The following UTS2B variants were observed in gnomAD, a reference collection of about 807,000 sequenced individuals.
The protein encoded by UTS2B is urotensin-2B.
In UTS2B, 21 loss-of-function variants were observed where a neutral mutation model predicts 19.2. The observed-to-expected ratio is 1.09, with a 90% CI of 0.78 to 1.58. The LOEUF (loss-of-function observed/expected upper bound fraction) is 1.58. Ranked by LOEUF, UTS2B falls within the 40% of genes most tolerant of loss-of-function variation. The pLI is 0.00. For synonymous variants in UTS2B, 57 were observed against 50.2 expected (o/e 1.14, Z -0.58); for missense variants, 138 against 130.3 (o/e 1.06, Z -0.29).
Position 191,282,120 on chromosome 3 carries a change from G to A in UTS2B, c.70C>T (p.Gln24Ter). 1 of 1,613,524 alleles carries A rather than the reference G, an allele frequency of 6.2e-7. No homozygotes were observed. Among genetic ancestry groups the A allele is most frequent in the African/African-American group, 1.3e-5 (1 of 75,020 alleles). Residue 24 changes from glutamine to a stop codon, truncating the protein, a stop_gained, in exon 5 of 9, where the codon CAA (glutamine) becomes TAA (stop). Transcript: ENST00000340524. LOFTEE classifies it high-confidence loss of function. ...AGATATGGTCGTCCATGCACAGATT[G>A]TAAAAAACTCAACACGGATAACAAA... is the stretch of plus-strand genomic sequence containing the variant. ...LTLLSVLSFLQSVHGRPYLTQ... is the reference protein window; with the variant it reads ...LTLLSVLSFL
the UTS2B span, among the ~76,000 whole-genome samples, chr3:191,340,976 C>T: frequency 6.6e-6 from 1 of 151,184 alleles, no homozygotes; most frequent in Non-Finnish European, 1.5e-5. Context: ...GCTAGGACTA[C>T]AGGCCCAGCT....
rs549210054 is a variant in UTS2B at position 191,268,364 on chromosome 3, T to G, written c.*52A>C. The G allele has an allele frequency of 2.2e-6, 3 of 1,381,632 alleles. No individual in the cohort carries two copies. The highest frequency in any genetic ancestry group is 2.0e-6 in the Non-Finnish European group (2 of 990,444). 85.6% of individuals were successfully genotyped at this position (1,381,632 alleles called of 1,614,324 possible). ...GTCTGCCTACAGCAGAGTGAGTAGATACATATATTTTCCTGATATTCTTAT... is the reference window on the plus strand; with the variant it reads ...GTCTGCCTACAGCAGAGTGAGTAGAGACATATATTTTCCTGATATTCTTAT... On this transcript the variant is annotated 3_prime_UTR_variant, in exon 9 of 9. Transcript: ENST00000340524.
intron 3 of UTS2B, among the ~76,000 whole-genome samples, chr3:191,309,955 CCTTT>C (rs536574819): frequency 1.5e-3 from 227 of 150,442 alleles, no homozygotes; most frequent in South Asian, 5.2e-3. Flanking sequence ...TTTCTTTTTT[CCTTT>C]CTTTCTTTTT....
At chr3:191,308,550 G>A (rs1035678950) in intron 3 of UTS2B, among the ~76,000 whole-genome samples, 1 of 152,086 alleles carries the variant, frequency 6.6e-6, no homozygotes, top group Admixed American at 6.6e-5. Context: ...TTTGGGGTTG[G>A]GTAATTCTTT....
At chr3:191,341,699 A>G in the UTS2B span, among the ~76,000 whole-genome samples, 1 of 152,220 alleles carries the variant, frequency 6.6e-6, no homozygotes, top group African/African-American at 2.4e-5. Context: ...AAGTACCAAT[A>G]AGGTGAATAT....
At chr3:191,300,522 C>G (rs1465752978) in intron 4 of UTS2B, among the ~76,000 whole-genome samples, 1 of 152,154 alleles carries the variant, frequency 6.6e-6, no homozygotes, top group Non-Finnish European at 1.5e-5. Context: ...TGAGTGAATC[C>G]TGGAATGAGT....
At chr3:191,337,853 G>C in the UTS2B span, among the ~76,000 whole-genome samples, 1 of 151,388 alleles carries the variant, frequency 6.6e-6, no homozygotes, top group Non-Finnish European at 1.5e-5. Flanking sequence ...TTATATTATT[G>C]GTCCTGTTTA....
intron 3 of UTS2B, among the ~76,000 whole-genome samples, chr3:191,305,292 T>G (rs1438083893): frequency 6.6e-6 from 1 of 152,200 alleles, no homozygotes; most frequent in Non-Finnish European, 1.5e-5. Context: ...CAACAGTGTA[T>G]AAGTGTTCCT....
intron 4 of UTS2B, among the ~76,000 whole-genome samples, chr3:191,283,002 T>A (rs1257495147): frequency 6.6e-6 from 1 of 152,150 alleles, no homozygotes; most frequent in Non-Finnish European, 1.5e-5. Context: ...CCAGTGATGT[T>A]ATAGTATAAT....
At chr3:191,315,419 A>T (rs1389633206) in intron 3 of UTS2B, among the ~76,000 whole-genome samples, 2 of 152,224 alleles carry the variant, frequency 1.3e-5, no homozygotes, top group African/African-American at 4.8e-5. Flanking sequence ...TGGTTGGCAT[A>T]GGAAGTGAAG....
upstream of UTS2B, among the ~76,000 whole-genome samples, chr3:191,331,751 C>A (rs1369964783): frequency 6.6e-6 from 1 of 152,096 alleles, no homozygotes; most frequent in African/African-American, 2.4e-5. Flanking sequence ...GTATCCTTCC[C>A]TAATATAACT....
chr3:191,327,234 G>A (rs1324520446), intron 2 of UTS2B, among the ~76,000 whole-genome samples: 1 of 152,210 alleles, frequency 6.6e-6, no homozygotes, highest in East Asian at 1.9e-4. Flanking sequence ...GGTGGCTCGT[G>A]CCTGTAATCC....
At chr3:191,309,929 G>A (rs1204184811) in intron 3 of UTS2B, among the ~76,000 whole-genome samples, 1 of 151,692 alleles carries the variant, frequency 6.6e-6, no homozygotes, top group Non-Finnish European at 1.5e-5. Flanking sequence ...ATCCAGTCTT[G>A]AGAATTTTTT....
upstream of UTS2B, among the ~76,000 whole-genome samples, chr3:191,332,091 T>A (rs779988601): frequency 1.2e-3 from 181 of 152,210 alleles, no homozygotes; most frequent in Non-Finnish European, 1.8e-3. Context: ...AGTGAGTGTG[T>A]GCCCGTTTCC....
chr3:191,307,534 C>T (rs1717172888), intron 3 of UTS2B, among the ~76,000 whole-genome samples: 1 of 152,156 alleles, frequency 6.6e-6, no homozygotes, highest in South Asian at 2.1e-4. Flanking sequence ...ATTGCCGAGT[C>T]CTGCAGGATA....
At chr3:191,279,722 C>A (rs1159623968) in intron 5 of UTS2B, among the ~76,000 whole-genome samples, 1 of 151,932 alleles carries the variant, frequency 6.6e-6, no homozygotes, top group Non-Finnish European at 1.5e-5. Flanking sequence ...AACTCTTTGT[C>A]CTCAGAAATT....
At chr3:191,298,505 T>C (rs1280706595) in intron 4 of UTS2B, among the ~76,000 whole-genome samples, 4 of 152,198 alleles carry the variant, frequency 2.6e-5, no homozygotes, top group Non-Finnish European at 1.5e-5. Flanking sequence ...CCTTCAGGAA[T>C]GATTGTGTTT....
intron 2 of UTS2B, among the ~76,000 whole-genome samples, chr3:191,323,215 GT>G (rs1357847998): frequency 2.0e-5 from 3 of 152,028 alleles, no homozygotes; most frequent in African/African-American, 7.2e-5. Flanking sequence ...GGAGTGCAGA[GT>G]TTTGCTCTGT....
At chr3:191,342,531 T>C in the UTS2B span, among the ~76,000 whole-genome samples, 2 of 152,142 alleles carry the variant, frequency 1.3e-5, no homozygotes. Context: ...CTAAAATGGT[T>C]TTTCTTCCCC....
Sources: allele counts gnomAD v4.1 joint callset (sites outside exome capture counted in the v4.1 genomes callset), GRCh38; gene constraint gnomAD v4.1.1; transcripts MANE v1.5; gene names NCBI Gene and HGNC (gene_info 2026-07-23, HGNC 2026-07-21).